GMPR: variants seen among roughly 807,000 people sequenced by gnomAD.
GMPR encodes the protein GMP reductase 1.
A neutral mutation model predicts 38.4 loss-of-function variants in GMPR; 31 were observed. That is an observed-to-expected ratio of 0.81 (90% confidence interval 0.61 to 1.09). The LOEUF (loss-of-function observed/expected upper bound fraction) is 1.09, where lower values mean the gene tolerates loss of function less well. GMPR is among the 50% of genes least tolerant of loss of function. The pLI is 0.00. For synonymous variants in GMPR, 162 were observed against 173.3 expected, an observed-to-expected ratio of 0.93 and a Z score of 0.51; for missense variants, 468 against 453.7, an observed-to-expected ratio of 1.03 and a Z score of -0.29.
chr6:16,267,587 C>A (rs9367906), intron 4 of GMPR, among the ~76,000 whole-genome samples: 9,502 of 152,134 alleles, frequency 0.062, 607 homozygotes, highest in African/African-American at 0.17. Context: ...GAACATCTGA[C>A]GGAACAAACT....
intron 6 of GMPR, among the ~76,000 whole-genome samples, chr6:16,285,033 C>CAAAAAAAAAAAAAAAAAA (rs11370216): frequency 9.2e-6 from 1 of 108,588 alleles, no homozygotes; most frequent in Non-Finnish European, 1.9e-5. Context: ...AAAAAAAAAA[C>CAAAAAAAAAAAAAAAAAA]AAAAAAAAAA....
intron 4 of GMPR, among the ~76,000 whole-genome samples, chr6:16,267,634 C>T (rs1759285714): frequency 6.6e-6 from 1 of 152,218 alleles, no homozygotes; most frequent in Middle Eastern, 3.4e-3. Context: ...TAACACTCAC[C>T]GCAGCCGAAG....
intron 6 of GMPR, among the ~76,000 whole-genome samples, chr6:16,281,673 T>G (rs1228928780): frequency 1.3e-5 from 2 of 149,618 alleles, no homozygotes; most frequent in Non-Finnish European, 3.0e-5. Context: ...CTCAGCCCAT[T>G]TTTTTTTTGT....
chr6:16,271,529 G>A (rs972051202), intron 4 of GMPR, among the ~76,000 whole-genome samples: 1 of 152,164 alleles, frequency 6.6e-6, no homozygotes, highest in Non-Finnish European at 1.5e-5. Context: ...GCTTAGAGTA[G>A]CTTCTCTAAA....
intron 5 of GMPR, among the ~76,000 whole-genome samples, chr6:16,277,028 A>G (rs1428063875): frequency 6.6e-6 from 1 of 151,888 alleles, no homozygotes; most frequent in Non-Finnish European, 1.5e-5. Context: ...TGAGGCCCCC[A>G]CCCCCGGATC....
At chr6:16,239,839 G>A (rs550438537) in intron 1 of GMPR, among the ~76,000 whole-genome samples, 8 of 152,398 alleles carry the variant, frequency 5.2e-5, no homozygotes, top group African/African-American at 1.7e-4. Flanking sequence ...ACTAAACCAA[G>A]TGGCCTTCTG....
intron 4 of GMPR, among the ~76,000 whole-genome samples, chr6:16,266,096 CTG>C: frequency 1.4e-5 from 1 of 71,938 alleles, no homozygotes; most frequent in African/African-American, 5.3e-5. Context: ...CCTTTAAGAG[CTG>C]TAACACTTGC....
chr6:16,247,617 C>T lies in GMPR; in HGVS notation c.207+656C>T, dbSNP rs183154643. 2.9e-3 allele frequency among the ~76,000 whole-genome samples: 445 copies of T among 152,272 alleles called. 2 individuals carry two copies. The highest frequency in any genetic ancestry group is 9.8e-3 in the African/African-American group (409 of 41,550). On this transcript the variant is annotated intron_variant, in intron 2 of 8. Coordinates refer to ENST00000259727, the MANE Select transcript of GMPR (RefSeq NM_006877.4). ...CTTGAACTCCTGACCTCAGGTGATC[C>T]GCCTGCCTTGGCCTACCCAAGTGCT...
intron 8 of GMPR, among the ~76,000 whole-genome samples, chr6:16,292,603 T>C (rs1392697733): frequency 3.3e-5 from 5 of 152,144 alleles, no homozygotes; most frequent in African/African-American, 4.8e-5. Flanking sequence ...TTCAAGAAGC[T>C]TCGTGCTTTA....
At chr6:16,283,535 T>C (rs1481251279) in intron 6 of GMPR, among the ~76,000 whole-genome samples, 1 of 152,228 alleles carries the variant, frequency 6.6e-6, no homozygotes, top group East Asian at 1.9e-4. Flanking sequence ...ACGCTGACCA[T>C]TTCACAAGTG....
chr6:16,275,184 C>T (rs952743170), intron 5 of GMPR, among the ~76,000 whole-genome samples: 2 of 152,080 alleles, frequency 1.3e-5, no homozygotes, highest in African/African-American at 2.4e-5. Context: ...TAAATTCATC[C>T]GTGCACATCC....
At chr6:16,260,647 A>G (rs960519191) in intron 4 of GMPR, among the ~76,000 whole-genome samples, 10 of 152,010 alleles carry the variant, frequency 6.6e-5, no homozygotes, top group African/African-American at 1.9e-4. Flanking sequence ...CGATGGAAAG[A>G]AAATGAGAGG....
At chr6:16,289,695 A>G (rs1050516627) in intron 7 of GMPR, 2 of 152,046 alleles carry the variant, frequency 1.3e-5, no homozygotes, top group African/African-American at 4.8e-5. Flanking sequence ...TAGGAGCTTC[A>G]GTCTGTTCTG....
intron 5 of GMPR, among the ~76,000 whole-genome samples, chr6:16,278,093 G>T (rs772378658): frequency 5.9e-5 from 9 of 152,174 alleles, no homozygotes; most frequent in Non-Finnish European, 1.3e-4. Context: ...CCCTGGCCTG[G>T]AAGTGAACCT....
chr6:16,273,731 A>AT (rs1316876730), intron 4 of GMPR, among the ~76,000 whole-genome samples: 1 of 150,760 alleles, frequency 6.6e-6, no homozygotes, highest in South Asian at 2.1e-4. Context: ...ACTGTGAAAC[A>AT]TTTTTTTGCC....
intron 1 of GMPR, among the ~76,000 whole-genome samples, chr6:16,246,311 G>A (rs1387106389): frequency 6.6e-6 from 1 of 152,218 alleles, no homozygotes; most frequent in Non-Finnish European, 1.5e-5. Context: ...GTGTTGATAT[G>A]CAGGAACATA....
At chr6:16,257,769 G>A (rs1337225029) in intron 4 of GMPR, among the ~76,000 whole-genome samples, 1 of 152,218 alleles carries the variant, frequency 6.6e-6, no homozygotes, top group Non-Finnish European at 1.5e-5. Context: ...TGGTGGAAGA[G>A]GCATACAGGC....
At chr6:16,265,949 C>G (rs1300924102) in intron 4 of GMPR, among the ~76,000 whole-genome samples, 2 of 152,058 alleles carry the variant, frequency 1.3e-5, no homozygotes, top group Admixed American at 6.6e-5. Flanking sequence ...ACGAAGCCAC[C>G]CGCCGGGAGA....
At chr6:16,269,329 C>T (rs998093394) in intron 4 of GMPR, among the ~76,000 whole-genome samples, 3 of 152,164 alleles carry the variant, frequency 2.0e-5, no homozygotes, top group Admixed American at 6.5e-5. Context: ...GTCTAGCATT[C>T]GACCCCAGAT....
Sources: allele counts gnomAD v4.1 joint callset (sites outside exome capture counted in the v4.1 genomes callset), GRCh38; gene constraint gnomAD v4.1.1; transcripts MANE v1.5; gene names NCBI Gene and HGNC (gene_info 2026-07-23, HGNC 2026-07-21).